Variants in IRAG1 observed in about 807,000 individuals in gnomAD.
IRAG1 encodes the protein inositol 1,4,5-triphosphate receptor associated 1, also known as IP3R-associated cGMP kinase substrate.
IRAG1 carries 62 observed loss-of-function variants against 106.2 expected under a neutral mutation model. The observed-to-expected ratio is 0.58, with a 90% CI of 0.48 to 0.72. IRAG1 has a LOEUF of 0.72. IRAG1 is among the 30% of genes least tolerant of loss of function. The pLI, the probability that IRAG1 is intolerant of heterozygous loss-of-function variation, is 0.00. For synonymous variants in IRAG1, 462 were observed against 443.9 expected (o/e 1.04, Z -0.51); for missense variants, 1,064 against 1,140.7 (o/e 0.93, Z 0.97).
At chr11:10,603,074 C>A in intron 14 of IRAG1, 46 bp downstream of exon 14, 1 of 1,581,832 alleles carries the variant, frequency 6.3e-7, no homozygotes, top group Non-Finnish European at 8.6e-7. Flanking sequence ...CTCTACTTTA[C>A]GTAGGTGGAA....
chr11:10,576,933 T>C (rs1396341868), intron 20 of IRAG1, among the ~76,000 whole-genome samples: 3 of 152,200 alleles, frequency 2.0e-5, no homozygotes, highest in African/African-American at 4.8e-5. Flanking sequence ...ATCTGCACTC[T>C]CCCAAGCCCG....
At chr11:10,609,233 T>G (rs1854736698) in intron 11 of IRAG1, among the ~76,000 whole-genome samples, 1 of 152,220 alleles carries the variant, frequency 6.6e-6, no homozygotes. Context: ...TGCCCTATTT[T>G]ATGGTCTTTC....
chr11:10,622,876 G>GGCACACACACACACACACACAC, intron 10 of IRAG1, among the ~76,000 whole-genome samples: 1 of 141,484 alleles, frequency 7.1e-6, no homozygotes, highest in East Asian at 2.2e-4. Flanking sequence ...GTAAGCAGTG[G>GGCACACACACACACACACACAC]ACACACACAC....
In IRAG1 at chr11:10,628,950, C is replaced by T; in HGVS notation, c.575-122G>A. 1 of 893,872 alleles carries T rather than the reference C, an allele frequency of 1.1e-6. No individual in the cohort carries two copies. Among genetic ancestry groups the T allele is most frequent in the Admixed American group, 2.7e-5 (1 of 36,552 alleles). 55.4% of individuals were successfully genotyped at this position (893,872 alleles called of 1,614,324 possible). On this transcript the variant is annotated intron_variant, in intron 5 of 20. Transcript: ENST00000423302. The surrounding 1 kb of genome is among the most constrained non-coding windows in gnomAD (Gnocchi z 4.1). ...GGGTCTGCCTTGCTGGGCTCAGGGG[C>T]TGATGCTGGACTGCAATATGATGCT...
intron 1 of IRAG1, among the ~76,000 whole-genome samples, chr11:10,674,235 GA>G (rs1246588178): frequency 6.6e-6 from 1 of 152,148 alleles, no homozygotes; most frequent in East Asian, 1.9e-4. Context: ...AGATGCTCCA[GA>G]AGTGCACAGA....
At chr11:10,592,374 T>TA (rs1249072415) in intron 17 of IRAG1, among the ~76,000 whole-genome samples, 2 of 152,248 alleles carry the variant, frequency 1.3e-5, no homozygotes, top group African/African-American at 4.8e-5. Context: ...TCTGTTAAAA[T>TA]ACACTAACCA....
intron 1 of IRAG1, among the ~76,000 whole-genome samples, chr11:10,664,149 C>T (rs563084049): frequency 3.3e-5 from 5 of 152,262 alleles, no homozygotes; most frequent in South Asian, 4.1e-4. Flanking sequence ...GCAGCCGAGA[C>T]GCAGCCCCTC....
At chr11:10,687,422 T>C (rs763279714) in intron 1 of IRAG1, 4 of 180,108 alleles carry the variant, frequency 2.2e-5, no homozygotes, top group Admixed American at 5.8e-5. Flanking sequence ...CAAGCTTTAA[T>C]ATTTAAAGAG....
intron 1 of IRAG1, among the ~76,000 whole-genome samples, chr11:10,678,921 G>C (rs1036792412): frequency 6.6e-6 from 1 of 152,168 alleles, no homozygotes; most frequent in Non-Finnish European, 1.5e-5. Context: ...TGTCCCACAA[G>C]CTCAACCTCA....
intron 2 of IRAG1, among the ~76,000 whole-genome samples, chr11:10,634,890 C>T (rs1167327508): frequency 1.3e-5 from 2 of 151,986 alleles, no homozygotes; most frequent in Non-Finnish European, 2.9e-5. Flanking sequence ...GTGAATAGTG[C>T]ACACATATAG....
At chr11:10,584,548 A>ATATATATATATAT (rs1851733088) in intron 18 of IRAG1, among the ~76,000 whole-genome samples, 1 of 98,580 alleles carries the variant, frequency 1.0e-5, no homozygotes. Context: ...TCTTTCATGA[A>ATATATATATATAT]ATATATATAT....
intron 1 of IRAG1, among the ~76,000 whole-genome samples, chr11:10,656,964 G>A (rs754842689): frequency 6.6e-6 from 1 of 152,162 alleles, no homozygotes; most frequent in South Asian, 2.1e-4. Context: ...CCTACACTTC[G>A]GTTGTCGGGC....
chr11:10,627,927 G>T, intron 7 of IRAG1, 46 bp downstream of exon 7: 1 of 1,583,486 alleles, frequency 6.3e-7, no homozygotes, highest in Non-Finnish European at 8.6e-7. Context: ...TAAGGGGAGA[G>T]ACCCATTGGC....
intron 18 of IRAG1, among the ~76,000 whole-genome samples, chr11:10,587,995 G>A (rs1852210351): frequency 6.6e-6 from 1 of 152,226 alleles, no homozygotes; most frequent in African/African-American, 2.4e-5. Flanking sequence ...TGGAATTACT[G>A]TGAGGATTAA....
chr11:10,652,553 G>A (rs1040026249), intron 1 of IRAG1, among the ~76,000 whole-genome samples: 1 of 152,192 alleles, frequency 6.6e-6, no homozygotes, highest in African/African-American at 2.4e-5. Context: ...CCCTGTCCTA[G>A]GAGCATCACC....
chr11:10,618,128 C>G (rs1351733806), intron 10 of IRAG1, among the ~76,000 whole-genome samples: 1 of 152,202 alleles, frequency 6.6e-6, no homozygotes, highest in Non-Finnish European at 1.5e-5. Flanking sequence ...ACACTTAGTT[C>G]ACATGACATT....
intron 1 of IRAG1, among the ~76,000 whole-genome samples, chr11:10,686,831 G>A (rs577096439): frequency 3.9e-5 from 6 of 152,318 alleles, no homozygotes; most frequent in East Asian, 3.9e-4. Context: ...ATGAGATATT[G>A]TATAAAATGT....
At chr11:10,608,636 A>G (rs1854679287) in intron 11 of IRAG1, among the ~76,000 whole-genome samples, 1 of 152,204 alleles carries the variant, frequency 6.6e-6, no homozygotes, top group Non-Finnish European at 1.5e-5. Flanking sequence ...CTATTTGTAT[A>G]TCTTCTCTGA....
At chr11:10,649,665 T>C (rs1858299003) in intron 2 of IRAG1, among the ~76,000 whole-genome samples, 1 of 152,152 alleles carries the variant, frequency 6.6e-6, no homozygotes, top group South Asian at 2.1e-4. Context: ...TTCCTAACCA[T>C]CACAGCTTCA....
Sources: allele counts gnomAD v4.1 joint callset (sites outside exome capture counted in the v4.1 genomes callset), GRCh38; gene constraint gnomAD v4.1.1; non-coding constraint Gnocchi (gnomAD v3.1); transcripts MANE v1.5; gene names NCBI Gene and HGNC (gene_info 2026-07-23, HGNC 2026-07-21).